Variants in STAC observed in about 807,000 individuals in gnomAD.
STAC encodes SH3 and cysteine-rich domain-containing protein.
A neutral mutation model predicts 48.8 loss-of-function variants in STAC; 43 were observed. The observed-to-expected ratio is 0.88, with a 90% confidence interval of 0.69 to 1.14. The LOEUF is 1.14. STAC is among the 50% of genes most tolerant of loss of function. STAC has a pLI of 0.00. For missense variants in STAC, 497 were observed against 504.0 expected (o/e 0.99, Z 0.13); for synonymous variants, 193 against 179.5 (o/e 1.07, Z -0.60).
At chr3:36,413,502 CT>C (rs904338140) in intron 1 of STAC, among the ~76,000 whole-genome samples, 1 of 151,908 alleles carries the variant, frequency 6.6e-6, no homozygotes. Flanking sequence ...ACAACCCCTG[CT>C]TTTTTTTGTT....
intron 1 of STAC, among the ~76,000 whole-genome samples, chr3:36,441,456 C>T (rs907706525): frequency 5.9e-5 from 9 of 152,098 alleles, no homozygotes; most frequent in African/African-American, 2.2e-4. Context: ...AGTATTTCAT[C>T]ATGTACATGT....
chr3:36,440,657 T>C (rs1014141007), intron 1 of STAC, among the ~76,000 whole-genome samples: 1 of 152,202 alleles, frequency 6.6e-6, no homozygotes, highest in African/African-American at 2.4e-5. Flanking sequence ...GAAACTAGGC[T>C]CCACTTTTGA....
At chr3:36,457,757 C>T (rs1164113453) in intron 2 of STAC, among the ~76,000 whole-genome samples, 1 of 152,162 alleles carries the variant, frequency 6.6e-6, no homozygotes, top group Non-Finnish European at 1.5e-5. Context: ...GAGGATACCT[C>T]CTCCTAAAAC....
At chr3:36,468,323 T>C (rs908945856) in intron 2 of STAC, among the ~76,000 whole-genome samples, 9 of 152,080 alleles carry the variant, frequency 5.9e-5, no homozygotes, top group African/African-American at 2.2e-4. Context: ...TATCATATGG[T>C]CTATCCTGGA....
intron 1 of STAC, chr3:36,409,691 G>A (rs774614340): frequency 6.6e-6 from 1 of 152,228 alleles, no homozygotes; most frequent in Non-Finnish European, 1.5e-5. Context: ...GGGAAAAATA[G>A]AGGAGGCAAG....
intron 1 of STAC, among the ~76,000 whole-genome samples, chr3:36,398,672 G>GGAAGGAAA (rs1321312695): frequency 7.1e-5 from 8 of 113,422 alleles, no homozygotes; most frequent in Non-Finnish European, 8.9e-5. Flanking sequence ...AAGGAAGGAA[G>GGAAGGAAA]GAAAGAAAGA....
At chr3:36,433,929 C>T (rs73063830) in intron 1 of STAC, among the ~76,000 whole-genome samples, 3,549 of 152,232 alleles carry the variant, frequency 0.023, 62 homozygotes, top group East Asian at 0.026. Context: ...ATTTCAACTT[C>T]GAAGTTACCA....
chr3:36,506,000 T>G, intron 8 of STAC, 166 bp downstream of exon 8: 1 of 491,560 alleles, frequency 2.0e-6, no homozygotes, highest in Non-Finnish European at 3.7e-6. Flanking sequence ...ACAGGCCCTG[T>G]CCCCAGAGTT....
At chr3:36,410,824 A>G (rs73059940) in intron 1 of STAC, among the ~76,000 whole-genome samples, 3,540 of 152,318 alleles carry the variant, frequency 0.023, 61 homozygotes, top group East Asian at 0.026. Context: ...TATATGTCTC[A>G]TAATCCACTT....
At chr3:36,485,656 T>G (rs1697788865) in intron 4 of STAC, 1 of 152,750 alleles carries the variant, frequency 6.5e-6, no homozygotes, top group Admixed American at 6.5e-5. Flanking sequence ...GACATCTATT[T>G]TTGCTTTTTT....
At chr3:36,460,531 A>T (rs1207374327) in intron 2 of STAC, among the ~76,000 whole-genome samples, 2 of 152,166 alleles carry the variant, frequency 1.3e-5, no homozygotes, top group Non-Finnish European at 2.9e-5. Context: ...GACATTTGGC[A>T]ATTTCTGGAG....
chr3:36,408,823 G>A (rs971403310), intron 1 of STAC, among the ~76,000 whole-genome samples: 12 of 152,160 alleles, frequency 7.9e-5, no homozygotes, highest in African/African-American at 2.9e-4. Context: ...TCTGCATTAA[G>A]ACCTCTTGTT....
At chr3:36,476,625 T>A (rs917510525) in intron 2 of STAC, among the ~76,000 whole-genome samples, 1 of 152,198 alleles carries the variant, frequency 6.6e-6, no homozygotes, top group East Asian at 1.9e-4. Context: ...TAGTGTATAT[T>A]CAAGGACAAA....
intron 8 of STAC, among the ~76,000 whole-genome samples, chr3:36,513,069 G>T (rs1332083281): frequency 2.0e-5 from 3 of 152,180 alleles, no homozygotes; most frequent in East Asian, 3.8e-4. Context: ...GAAATGTTAG[G>T]AGTGTGAGCT....
At position 36,533,371 on chromosome 3, in the gene STAC, G is replaced by C. The variant is rs1054802190; in HGVS notation, c.1110+4386G>C. 2.0e-5 allele frequency among the ~76,000 whole-genome samples: 3 copies of C among 150,652 alleles called. No individual in the cohort carries two copies. In the South Asian group the frequency reaches 6.3e-4, roughly 32 times the overall value. On this transcript the variant is annotated intron_variant, in intron 10 of 10. Coordinates refer to ENST00000273183, the MANE Select transcript of STAC (RefSeq NM_003149.3). Reference sequence around the variant, plus strand: ...CAACCTTCCCCAAGTTTACCCAACTGTATCCTTCCTGTTCCAAAAATTTGG... The same window carrying C: ...CAACCTTCCCCAAGTTTACCCAACTCTATCCTTCCTGTTCCAAAAATTTGG...
chr3:36,547,751 G>A lies in STAC; in HGVS notation c.*1462G>A, dbSNP rs1172159360. 1 of 152,230 alleles carries A rather than the reference G, an allele frequency of 6.6e-6. No individual in the cohort carries two copies. Among genetic ancestry groups the A allele is most frequent in the East Asian group, 1.9e-4 (1 of 5,184 alleles). 9.4% of individuals were successfully genotyped at this position (152,230 alleles called of 1,614,324 possible). Reference sequence around the variant, plus strand: ...CCCGCTCAGTGTGAAGTTGGGAACTGAGAGGGGATGGCTGCTGGTTTCACA... The same window carrying A: ...CCCGCTCAGTGTGAAGTTGGGAACTAAGAGGGGATGGCTGCTGGTTTCACA... On this transcript the variant is annotated 3_prime_UTR_variant, in exon 11 of 11. Coordinates refer to ENST00000273183, the MANE Select transcript of STAC (RefSeq NM_003149.3).
rs545313404 is a variant in STAC, at chr3:36,513,885, T to G, written c.920+8051T>G. On this transcript the variant is annotated intron_variant, in intron 8 of 10. Coordinates refer to ENST00000273183, the MANE Select transcript of STAC (RefSeq NM_003149.3). ...GGAGAAGAGAGAGAGAGAGAATATA[T>G]GAGCATTCACTGAATGTTTAAGAAT... Among the ~76,000 whole-genome samples, 4 of 152,032 alleles carry G rather than the reference T, an allele frequency of 2.6e-5. No individual in the cohort carries two copies. In the East Asian group the frequency reaches 7.7e-4, roughly 29 times the overall value.
At chr3:36,386,771 G>A (rs1325834477) in intron 1 of STAC, among the ~76,000 whole-genome samples, 1 of 152,102 alleles carries the variant, frequency 6.6e-6, no homozygotes, top group Non-Finnish European at 1.5e-5. Context: ...TGTCTTAAAT[G>A]TAATGATTTT....
At chr3:36,520,666 G>A (rs1211663818) in intron 8 of STAC, among the ~76,000 whole-genome samples, 5 of 152,136 alleles carry the variant, frequency 3.3e-5, no homozygotes, top group Non-Finnish European at 7.3e-5. Flanking sequence ...CAGTCACCAG[G>A]ACATCAAAAT....
Sources: allele counts gnomAD v4.1 joint callset (sites outside exome capture counted in the v4.1 genomes callset), GRCh38; gene constraint gnomAD v4.1.1; transcripts MANE v1.5; gene names NCBI Gene and HGNC (gene_info 2026-07-23, HGNC 2026-07-21).